EPC1: variants seen among roughly 807,000 people sequenced by gnomAD.
The protein encoded by EPC1 is enhancer of polycomb homolog 1.
A neutral mutation model predicts 98.4 loss-of-function variants in EPC1; 12 were observed. That is an observed-to-expected ratio of 0.12 (90% CI 0.08 to 0.20). EPC1 has a LOEUF of 0.20. Among genes scored for constraint, EPC1 ranks in the 10% least tolerant of loss-of-function variants. EPC1 has a pLI of 1.00. For synonymous variants in EPC1, 357 were observed against 363.9 expected (o/e 0.98, Z 0.21); for missense variants, 729 against 990.5 (o/e 0.74, Z 3.54).
chr10:32,343,247 T>C (rs1316402893), intron 1 of EPC1, among the ~76,000 whole-genome samples: 1 of 152,206 alleles, frequency 6.6e-6, no homozygotes. Flanking sequence ...TTCGCTCTTC[T>C]TGCACAGGCT....
intron 1 of EPC1, among the ~76,000 whole-genome samples, chr10:32,340,419 A>G (rs1481671195): frequency 6.6e-6 from 1 of 152,248 alleles, no homozygotes; most frequent in Non-Finnish European, 1.5e-5. Flanking sequence ...TATATTTAAA[A>G]TACTGTAAGA....
At chr10:32,276,213 T>C (rs914678929) in intron 10 of EPC1, among the ~76,000 whole-genome samples, 1 of 152,112 alleles carries the variant, frequency 6.6e-6, no homozygotes, top group Non-Finnish European at 1.5e-5. Context: ...TGTCTTCATC[T>C]AAAATGAGAA....
At chr10:32,293,460 G>A (rs953155070) in intron 3 of EPC1, 132 bp downstream of exon 3, 19 of 897,506 alleles carry the variant, frequency 2.1e-5, no homozygotes, top group Middle Eastern at 3.5e-4. Flanking sequence ...GCAGAGATGA[G>A]ATTTGAATTC....
intron 6 of EPC1, among the ~76,000 whole-genome samples, chr10:32,289,439 GC>G (rs771941990): frequency 6.3e-4 from 85 of 135,544 alleles, no homozygotes; most frequent in Non-Finnish European, 4.8e-4. Context: ...AAAAGTCCAG[GC>G]TGGGGAAATC....
chr10:32,345,817 A>ATTCG, intron 1 of EPC1, among the ~76,000 whole-genome samples: 1 of 152,198 alleles, frequency 6.6e-6, no homozygotes, highest in Non-Finnish European at 1.5e-5. Context: ...TTTGAATAAG[A>ATTCG]AAGGATCCTC....
In EPC1 at chr10:32,273,219, G is replaced by A; in HGVS notation, c.1807C>T (p.Leu603Phe). 6.2e-7 allele frequency: 1 copy of A among 1,614,012 alleles called. No individual in the cohort carries two copies. The highest frequency in any genetic ancestry group is 8.5e-7 in the Non-Finnish European group (1 of 1,179,858). The part of the protein sequence containing the change: ...QQLALMQKQQ[L>F]AQIQQQQANS... ...GCTTGCTGTTGCTGAATTTGTGCAA[G>A]CTGCTGTTTCTGCATGAGTGCCAGT... Residue 603 changes from leucine to phenylalanine, a missense_variant, in exon 11 of 14, where the codon CTT becomes TTT. Physicochemically the swap from Leu to Phe is conservative, Grantham distance 22 (BLOSUM62 0). Transcript: ENST00000319778.
At chr10:32,356,379 A>G (rs1374344889) in intron 1 of EPC1, among the ~76,000 whole-genome samples, 5 of 152,018 alleles carry the variant, frequency 3.3e-5, no homozygotes, top group African/African-American at 1.2e-4. Flanking sequence ...GAATGACTGG[A>G]AGCCCATGGA....
At chr10:32,298,881 C>A (rs1835326880) in intron 2 of EPC1, among the ~76,000 whole-genome samples, 1 of 152,110 alleles carries the variant, frequency 6.6e-6, no homozygotes, top group Admixed American at 6.5e-5. Context: ...CTTTCAGAAT[C>A]AGAGCACAAA....
In EPC1 at chr10:32,346,805, GGCCCTGTT is replaced by G; in HGVS notation, c.103_110del (p.Asn35ArgfsTer34). 1 of 1,614,156 alleles carries G rather than the reference GGCCCTGTT, an allele frequency of 6.2e-7. No homozygotes were observed. The highest frequency in any genetic ancestry group is 8.5e-7 in the Non-Finnish European group (1 of 1,180,010). ...CCATTCCGGTGGGCATCTGCGGCAC[GGCCCTGTT>G]TATCGAGGCGTATTCGTGCAGGTCG... On this transcript the variant is annotated frameshift_variant, in exon 1 of 14. Transcript: ENST00000319778. LOFTEE classifies it high-confidence loss of function.
intron 6 of EPC1, among the ~76,000 whole-genome samples, chr10:32,288,085 G>A (rs34113707): frequency 0.24 from 36,736 of 152,010 alleles, 4,826 homozygotes; most frequent in South Asian, 0.37. Flanking sequence ...ATGTAAATAC[G>A]CTAAATATTC....
chr10:32,367,445 T>C (rs1220933571), intron 1 of EPC1, among the ~76,000 whole-genome samples: 1 of 152,220 alleles, frequency 6.6e-6, no homozygotes, highest in Non-Finnish European at 1.5e-5. Context: ...TAATTTTGAA[T>C]TTTAGACATA....
chr10:32,340,132 C>G (rs1838246636), intron 1 of EPC1, among the ~76,000 whole-genome samples: 1 of 152,210 alleles, frequency 6.6e-6, no homozygotes, highest in African/African-American at 2.4e-5. Flanking sequence ...CTTAAATAAT[C>G]TGCTTTGCAA....
At chr10:32,292,930 A>T in intron 4 of EPC1, 58 bp downstream of exon 4, 1 of 1,146,302 alleles carries the variant, frequency 8.7e-7, no homozygotes, top group South Asian at 1.8e-5. Context: ...TGAGACAGTC[A>T]TAACTATAAA....
At position 32,361,282 on chromosome 10, in the gene EPC1, G is replaced by A. The variant is rs117758011; in HGVS notation, c.3+17209C>T. 5.1e-3 allele frequency among the ~76,000 whole-genome samples: 780 copies of A among 152,242 alleles called. 5 individuals are homozygous for A. The highest frequency in any genetic ancestry group is 9.0e-3 in the Non-Finnish European group (614 of 68,012). On this transcript the variant is annotated intron_variant, in intron 1 of 13. Coordinates refer to the EPC1 transcript ENST00000375110. ...AATGAGATTTATAACTTCTATGAGC[G>A]TCAGCTTCCTCCTCTGTAACGCCTA...
At chr10:32,290,764 G>A (rs1293333894) in intron 6 of EPC1, among the ~76,000 whole-genome samples, 10 of 151,212 alleles carry the variant, frequency 6.6e-5, no homozygotes, top group Non-Finnish European at 8.8e-5. Context: ...GGGTATATAT[G>A]TATTTTTCTT....
At chr10:32,290,441 C>T (rs527964935) in intron 6 of EPC1, among the ~76,000 whole-genome samples, 14 of 141,170 alleles carry the variant, frequency 9.9e-5, no homozygotes, top group African/African-American at 1.9e-4. Flanking sequence ...TGCTGAGATC[C>T]GGCCACTGCA....
chr10:32,352,042 ATTTTTTT>A (rs35657158), upstream of EPC1, among the ~76,000 whole-genome samples: 825 of 93,468 alleles, frequency 8.8e-3, 10 homozygotes, highest in African/African-American at 0.032. Flanking sequence ...AGCCATATTG[ATTTTTTT>A]TTTTTTTTTT....
intron 2 of EPC1, among the ~76,000 whole-genome samples, chr10:32,296,091 T>C (rs533691054): frequency 1.3e-4 from 20 of 151,596 alleles, no homozygotes; most frequent in African/African-American, 4.9e-4. Context: ...GCCTGGCTAA[T>C]TTTCGTAGTT....
At chr10:32,316,415 A>C (rs1402809684) in intron 1 of EPC1, among the ~76,000 whole-genome samples, 1 of 152,206 alleles carries the variant, frequency 6.6e-6, no homozygotes, top group African/African-American at 2.4e-5. Flanking sequence ...ACTGGAAGCC[A>C]CTCAAATGTC....
Sources: gnomAD v4.1 joint callset for allele counts (sites outside exome capture counted in the v4.1 genomes callset) on GRCh38, gnomAD v4.1.1 for gene constraint, MANE v1.5 for transcripts, NCBI Gene and HGNC (gene_info 2026-07-23, HGNC 2026-07-21) for gene names.